Variants in HS6ST3 observed in about 807,000 individuals in gnomAD.
The protein encoded by HS6ST3 is heparan sulfate 6-O-sulfotransferase 3.
A neutral mutation model predicts 36.7 loss-of-function variants in HS6ST3; 12 were observed. The observed-to-expected ratio is 0.33, with a 90% CI of 0.21 to 0.53. The LOEUF is 0.53. Among genes scored for constraint, HS6ST3 ranks in the 20% least tolerant of loss-of-function variants. The probability of loss-of-function intolerance (pLI) is 0.95; values close to 1 mark genes in which losing one functional copy is unlikely to be tolerated. For missense variants in HS6ST3, 584 were observed against 640.9 expected, an observed-to-expected ratio of 0.91 and a Z score of 0.96; for synonymous variants, 240 against 257.5, an observed-to-expected ratio of 0.93 and a Z score of 0.65.
intron 1 of HS6ST3, among the ~76,000 whole-genome samples, chr13:96,651,679 C>G (rs1374135652): frequency 6.6e-6 from 1 of 152,124 alleles, no homozygotes; most frequent in Admixed American, 6.6e-5. Flanking sequence ...GATCATAAAA[C>G]TCCCTCCTTT....
chr13:96,434,751 A>C (rs997237676), intron 1 of HS6ST3, among the ~76,000 whole-genome samples: 20 of 151,984 alleles, frequency 1.3e-4, no homozygotes, highest in Non-Finnish European at 2.6e-4. Flanking sequence ...GATTGCTTTT[A>C]TGACAACTAA....
chr13:96,574,481 C>A, intron 1 of HS6ST3: 1 of 428,844 alleles, frequency 2.3e-6, no homozygotes, highest in Non-Finnish European at 4.3e-6. Flanking sequence ...TCTTCATGCC[C>A]CGCCCCCTAC....
At chr13:96,393,151 A>G (rs1335963958) in intron 1 of HS6ST3, among the ~76,000 whole-genome samples, 1 of 152,060 alleles carries the variant, frequency 6.6e-6, no homozygotes, top group East Asian at 1.9e-4. Context: ...ACCTTCCACC[A>G]TGATTGTGAG....
intron 1 of HS6ST3, among the ~76,000 whole-genome samples, chr13:96,788,589 C>T (rs1464771179): frequency 6.6e-6 from 1 of 151,764 alleles, no homozygotes. Flanking sequence ...ATTCTACATC[C>T]CTGCTTATTT....
At chr13:96,221,063 T>C (rs2054452564) in intron 1 of HS6ST3, among the ~76,000 whole-genome samples, 1 of 152,166 alleles carries the variant, frequency 6.6e-6, no homozygotes, top group Non-Finnish European at 1.5e-5. Context: ...AAAATTTACC[T>C]TTTCTAGTGT....
intron 1 of HS6ST3, among the ~76,000 whole-genome samples, chr13:96,461,904 G>T (rs1398912471): frequency 6.6e-6 from 1 of 152,146 alleles, no homozygotes; most frequent in Non-Finnish European, 1.5e-5. Flanking sequence ...CATGAATGGG[G>T]ATATGGATAT....
At chr13:96,264,972 C>T (rs140958955) in intron 1 of HS6ST3, among the ~76,000 whole-genome samples, 2 of 152,142 alleles carry the variant, frequency 1.3e-5, no homozygotes, top group Non-Finnish European at 2.9e-5. Context: ...AATTCCCAAC[C>T]CAAAGACATT....
chr13:96,183,316 T>C (rs2054248234), intron 1 of HS6ST3, among the ~76,000 whole-genome samples: 1 of 152,172 alleles, frequency 6.6e-6, no homozygotes, highest in African/African-American at 2.4e-5. Flanking sequence ...TGATTTCCAC[T>C]AGGGTCCCAC....
chr13:96,199,490 TAGC>T (rs955632053), intron 1 of HS6ST3, among the ~76,000 whole-genome samples: 13 of 152,304 alleles, frequency 8.5e-5, no homozygotes, highest in African/African-American at 3.1e-4. Context: ...GGATGAAACT[TAGC>T]AGGCTATTAT....
chr13:96,476,974 G>A (rs2055867237), intron 1 of HS6ST3, among the ~76,000 whole-genome samples: 1 of 152,128 alleles, frequency 6.6e-6, no homozygotes, highest in Non-Finnish European at 1.5e-5. Flanking sequence ...TTTAATATTG[G>A]ACATGAGTTA....
chr13:96,696,568 C>T (rs751119317), intron 1 of HS6ST3, among the ~76,000 whole-genome samples: 79 of 152,262 alleles, frequency 5.2e-4, no homozygotes, highest in Non-Finnish European at 8.2e-4. Context: ...CCGGCCTGGC[C>T]GATCCCCAGG....
At chr13:96,570,790 G>A (rs1035703992) in intron 1 of HS6ST3, among the ~76,000 whole-genome samples, 3 of 152,188 alleles carry the variant, frequency 2.0e-5, no homozygotes, top group South Asian at 2.1e-4. Context: ...AATCTAATGC[G>A]TGAACTAGCT....
chr13:96,619,905 A>G (rs1330819535), intron 1 of HS6ST3, among the ~76,000 whole-genome samples: 1 of 152,176 alleles, frequency 6.6e-6, no homozygotes, highest in African/African-American at 2.4e-5. Context: ...GGTGTAAACA[A>G]TGAAACTTTG....
chr13:96,506,517 A>G (rs1171933092), intron 1 of HS6ST3, among the ~76,000 whole-genome samples: 2 of 152,176 alleles, frequency 1.3e-5, no homozygotes, highest in Non-Finnish European at 2.9e-5. Flanking sequence ...TAAATAGGAT[A>G]GGAAACCATC....
At chr13:96,820,947 G>A (rs948331718) in intron 1 of HS6ST3, among the ~76,000 whole-genome samples, 15 of 152,158 alleles carry the variant, frequency 9.9e-5, no homozygotes, top group Admixed American at 9.2e-4. Flanking sequence ...ATGAGCTTTG[G>A]CTTTATTTCA....
chr13:96,204,339 C>T (rs1441989422), intron 1 of HS6ST3, among the ~76,000 whole-genome samples: 1 of 151,952 alleles, frequency 6.6e-6, no homozygotes, highest in Non-Finnish European at 1.5e-5. Context: ...ATAGGAGCAC[C>T]CAGATTCATA....
At position 96,487,932 on chromosome 13, in the gene HS6ST3, C is replaced by T. The variant is rs78262026; in HGVS notation, c.708-344558C>T. 9.0e-3 allele frequency among the ~76,000 whole-genome samples: 1,374 copies of T among 152,218 alleles called. 24 individuals carry two copies. The highest frequency in any genetic ancestry group is 0.032 in the African/African-American group (1,326 of 41,546). On this transcript the variant is annotated intron_variant, in intron 1 of 1. Transcript: ENST00000376705. ...GTACATCTATCATTGTGAATGGAAA[C>T]AGCTGTGTACCACCTGAGACTGTCT...
intron 1 of HS6ST3, among the ~76,000 whole-genome samples, chr13:96,154,422 G>A (rs2054101050): frequency 6.6e-6 from 1 of 152,092 alleles, no homozygotes; most frequent in Non-Finnish European, 1.5e-5. Flanking sequence ...TGTCCCTTAA[G>A]TAATGTCAGA....
intron 1 of HS6ST3, among the ~76,000 whole-genome samples, chr13:96,195,247 G>A (rs2054306594): frequency 6.6e-6 from 1 of 152,194 alleles, no homozygotes; most frequent in Non-Finnish European, 1.5e-5. Flanking sequence ...TTGGAAGATG[G>A]AACATGTTTT....
Sources: gnomAD v4.1 joint callset for allele counts (sites outside exome capture counted in the v4.1 genomes callset) on GRCh38, gnomAD v4.1.1 for gene constraint, MANE v1.5 for transcripts, NCBI Gene and HGNC (gene_info 2026-07-23, HGNC 2026-07-21) for gene names.